BMPR1B: variants seen among roughly 807,000 people sequenced by gnomAD.
BMPR1B encodes the protein bone morphogenetic protein receptor type 1B.
In BMPR1B, 12 loss-of-function variants were observed where a neutral mutation model predicts 59.1. That is an observed-to-expected ratio of 0.20 (90% CI 0.13 to 0.33). The LOEUF (loss-of-function observed/expected upper bound fraction) is 0.33. Among genes scored for constraint, BMPR1B ranks in the 10% least tolerant of loss-of-function variants. The pLI, the probability that BMPR1B is intolerant of heterozygous loss-of-function variation, is 1.00. For missense variants in BMPR1B, 550 were observed against 610.9 expected (o/e 0.90, Z 1.05); for synonymous variants, 237 against 207.3 (o/e 1.14, Z -1.23).
chr4:94,789,394 A>G (rs1366042764), intron 1 of BMPR1B, among the ~76,000 whole-genome samples: 2 of 152,182 alleles, frequency 1.3e-5, no homozygotes, highest in Non-Finnish European at 2.9e-5. Context: ...TGGTTTGGCC[A>G]CTATGCTCCT....
intron 3 of BMPR1B, among the ~76,000 whole-genome samples, chr4:95,094,418 A>G (rs1730218374): frequency 6.6e-6 from 1 of 152,040 alleles, no homozygotes; most frequent in Non-Finnish European, 1.5e-5. Context: ...CAGGAAGGGG[A>G]AAAGATAATA....
chr4:94,955,872 G>A (rs978463345), intron 2 of BMPR1B, among the ~76,000 whole-genome samples: 1 of 151,374 alleles, frequency 6.6e-6, no homozygotes, highest in Non-Finnish European at 1.5e-5. Flanking sequence ...CAGGTGATCC[G>A]CCTGCCTCGG....
chr4:95,023,977 C>A (rs1724176032), intron 3 of BMPR1B, among the ~76,000 whole-genome samples: 1 of 152,172 alleles, frequency 6.6e-6, no homozygotes, highest in Admixed American at 6.5e-5. Flanking sequence ...GTGACCTACT[C>A]AGAACTGCAG....
At chr4:95,109,699 TTTA>T (rs10597656) in intron 4 of BMPR1B, among the ~76,000 whole-genome samples, 121,020 of 146,764 alleles carry the variant, frequency 0.82, 49,208 homozygotes, top group Admixed American at 0.89. Flanking sequence ...AGAACTTCTT[TTTA>T]TTATTATTAT....
At chr4:95,107,447 A>G (rs1429768722) in intron 4 of BMPR1B, among the ~76,000 whole-genome samples, 1 of 152,070 alleles carries the variant, frequency 6.6e-6, no homozygotes, top group Non-Finnish European at 1.5e-5. Context: ...AAGTAAACAA[A>G]AATACAGAAG....
At chr4:94,763,783 G>T (rs1721867545) in intron 1 of BMPR1B, among the ~76,000 whole-genome samples, 1 of 152,152 alleles carries the variant, frequency 6.6e-6, no homozygotes, top group South Asian at 2.1e-4. Context: ...TCTCTTGATA[G>T]AAATCAGTGA....
intron 3 of BMPR1B, among the ~76,000 whole-genome samples, chr4:95,097,113 ATAATT>A (rs1422514060): frequency 2.5e-5 from 3 of 121,532 alleles, no homozygotes; most frequent in African/African-American, 3.2e-5. Context: ...ATATAAAACT[ATAATT>A]TATATATTAA....
At chr4:95,035,020 C>G (rs1365703737) in intron 3 of BMPR1B, among the ~76,000 whole-genome samples, 2 of 151,818 alleles carry the variant, frequency 1.3e-5, no homozygotes, top group African/African-American at 4.8e-5. Flanking sequence ...TTTGCATTTC[C>G]CTGGTAATTA....
rs114987248 is a variant in BMPR1B at position 94,865,863 on chromosome 4, C to T, written c.-182-9968C>T. On this transcript the variant is annotated intron_variant, in intron 1 of 12. Coordinates refer to ENST00000515059, the MANE Select transcript of BMPR1B (RefSeq NM_001203.3). Reference sequence around the variant, plus strand: ...CATTTTTTTTTCGAGATGATGGTGGCATAGGATAGTGGTCTTATCAAATGT... The same window carrying T: ...CATTTTTTTTTCGAGATGATGGTGGTATAGGATAGTGGTCTTATCAAATGT... 9.5e-3 allele frequency among the ~76,000 whole-genome samples: 1,437 copies of T among 152,050 alleles called. 22 individuals are homozygous for T. Among genetic ancestry groups the T allele is most frequent in the African/African-American group, 0.033 (1,376 of 41,476 alleles).
intron 1 of BMPR1B, among the ~76,000 whole-genome samples, chr4:94,775,802 T>C (rs948516583): frequency 6.6e-6 from 1 of 152,162 alleles, no homozygotes; most frequent in Non-Finnish European, 1.5e-5. Context: ...TAGAAATTAA[T>C]AGCCTTTGGC....
intron 3 of BMPR1B, among the ~76,000 whole-genome samples, chr4:95,025,538 A>G (rs1351901070): frequency 1.3e-5 from 2 of 152,186 alleles, no homozygotes; most frequent in Non-Finnish European, 2.9e-5. Context: ...TAGTTACCAC[A>G]CTTGTGGTAG....
intron 8 of BMPR1B, 86 bp from the exon 9 acceptor site, chr4:95,129,776 G>A (rs1733175181): frequency 7.5e-7 from 1 of 1,332,666 alleles, no homozygotes; most frequent in Non-Finnish European, 1.1e-6. Context: ...TTTACATGCA[G>A]TAATCGTTTC....
chr4:94,952,978 G>A (rs1010538182), intron 2 of BMPR1B, among the ~76,000 whole-genome samples: 12 of 152,110 alleles, frequency 7.9e-5, no homozygotes, highest in East Asian at 7.7e-4. Flanking sequence ...GATAGTTAGC[G>A]CTTCTTGTTG....
At chr4:94,812,836 G>A (rs947169414) in intron 1 of BMPR1B, among the ~76,000 whole-genome samples, 1 of 152,112 alleles carries the variant, frequency 6.6e-6, no homozygotes. Context: ...CAATTGAGTA[G>A]CATATTTGAC....
At chr4:95,118,280 A>G (rs1322736374) in intron 6 of BMPR1B, among the ~76,000 whole-genome samples, 2 of 150,386 alleles carry the variant, frequency 1.3e-5, no homozygotes, top group East Asian at 3.9e-4. Context: ...GTCTGAGAGC[A>G]CTGATGTTTT....
intron 3 of BMPR1B, among the ~76,000 whole-genome samples, chr4:95,097,037 A>G (rs954320804): frequency 6.9e-6 from 1 of 145,472 alleles, no homozygotes; most frequent in Admixed American, 7.0e-5. Context: ...TATATAATAT[A>G]GTTATATACA....
intron 1 of BMPR1B, among the ~76,000 whole-genome samples, chr4:94,786,746 G>A (rs1203202273): frequency 2.0e-5 from 3 of 151,804 alleles, no homozygotes; most frequent in Non-Finnish European, 4.4e-5. Flanking sequence ...GGGCTTCACC[G>A]TGTTAGCCAG....
chr4:94,773,763 TC>T (rs1462162897), intron 1 of BMPR1B, among the ~76,000 whole-genome samples: 1 of 152,050 alleles, frequency 6.6e-6, no homozygotes, highest in African/African-American at 2.4e-5. Flanking sequence ...AGGGATAATT[TC>T]CCTGTGTATC....
At chr4:94,827,021 G>GT (rs1724406727) in intron 1 of BMPR1B, among the ~76,000 whole-genome samples, 1 of 152,088 alleles carries the variant, frequency 6.6e-6, no homozygotes, top group African/African-American at 2.4e-5. Flanking sequence ...AAATCTGTAG[G>GT]TTTTTAAGGA....
Sources: allele counts gnomAD v4.1 joint callset (sites outside exome capture counted in the v4.1 genomes callset), GRCh38; gene constraint gnomAD v4.1.1; transcripts MANE v1.5; gene names NCBI Gene and HGNC (gene_info 2026-07-23, HGNC 2026-07-21).